Variants in ERLEC1 observed in about 807,000 individuals in gnomAD.
ERLEC1 encodes endoplasmic reticulum lectin 1, also known as ER lectin.
In ERLEC1, 47 loss-of-function variants were observed where a neutral mutation model predicts 68.0. That is an observed-to-expected ratio of 0.69 (90% CI 0.55 to 0.88). ERLEC1 has a LOEUF of 0.88. ERLEC1 is among the 40% of genes least tolerant of loss of function. The pLI is 0.00. For synonymous variants in ERLEC1, 225 were observed against 203.2 expected, an observed-to-expected ratio of 1.11 and a Z score of -0.91; for missense variants, 567 against 583.8, an observed-to-expected ratio of 0.97 and a Z score of 0.30.
intron 1 of ERLEC1, 25 bp downstream of exon 1, chr2:53,787,397 G>C (rs1442014030): frequency 1.9e-6 from 3 of 1,592,470 alleles, no homozygotes; most frequent in Non-Finnish European, 1.7e-6. Flanking sequence ...TAACCCCGCA[G>C]CCACCCCTCC....
Position 53,818,086 on chromosome 2 carries a change from T to C in ERLEC1, c.*117T>C. 1.5e-6 allele frequency: 1 copy of C among 679,812 alleles called. No individual in the cohort carries two copies. Among genetic ancestry groups the C allele is most frequent in the Middle Eastern group, 3.1e-4 (1 of 3,252 alleles). The allele number at this position is 679,812 out of a possible 1,614,324, so 42.1% of individuals were successfully genotyped here. A position where few individuals can be genotyped will look rare whatever the true frequency, so the allele number is the denominator to read the frequency against. ...ACCTCTTCTAAAGGATGGTATAAAA[T>C]GACTCTCAACCACTTTGTGAATACA... On this transcript the variant is annotated 3_prime_UTR_variant, in exon 14 of 14. Transcript: ENST00000185150.
intron 10 of ERLEC1, among the ~76,000 whole-genome samples, chr2:53,811,491 A>G (rs1345649278): frequency 1.3e-5 from 2 of 152,108 alleles, no homozygotes; most frequent in Admixed American, 1.3e-4. Flanking sequence ...CCAAGGTTGC[A>G]TAACCTGGAA....
intron 2 of ERLEC1, among the ~76,000 whole-genome samples, chr2:53,795,213 C>T (rs1279545370): frequency 2.6e-5 from 4 of 152,096 alleles, no homozygotes; most frequent in Non-Finnish European, 4.4e-5. Flanking sequence ...ACAGGAGAGG[C>T]AGCATGGTAA....
At chr2:53,791,090 C>G (rs1174200145) in intron 1 of ERLEC1, among the ~76,000 whole-genome samples, 1 of 152,218 alleles carries the variant, frequency 6.6e-6, no homozygotes, top group Non-Finnish European at 1.5e-5. Flanking sequence ...GTTCTACCAA[C>G]AAGTGTATTT....
intron 8 of ERLEC1, among the ~76,000 whole-genome samples, chr2:53,804,833 A>AT (rs1676196306): frequency 6.6e-6 from 1 of 151,520 alleles, no homozygotes; most frequent in Admixed American, 6.6e-5. Flanking sequence ...TATAGTAACC[A>AT]TCCTTCTACT....
intron 1 of ERLEC1, among the ~76,000 whole-genome samples, chr2:53,793,486 C>T (rs903990081): frequency 1.3e-5 from 2 of 152,176 alleles, no homozygotes; most frequent in Non-Finnish European, 2.9e-5. Flanking sequence ...GTGGCAGAGG[C>T]GCAACAGAGA....
chr2:53,802,480 T>G (rs1676059222), intron 8 of ERLEC1, among the ~76,000 whole-genome samples: 1 of 152,194 alleles, frequency 6.6e-6, no homozygotes, highest in South Asian at 2.1e-4. Context: ...ATCCTGTCAT[T>G]AGTTCAGGAC....
At chr2:53,801,895 G>A in intron 8 of ERLEC1, 53 bp downstream of exon 8, 1 of 1,444,650 alleles carries the variant, frequency 6.9e-7, no homozygotes, top group Non-Finnish European at 9.6e-7. Flanking sequence ...TAAAATTTCA[G>A]AGCATATGTC....
chr2:53,799,220 A>G lies in ERLEC1; in HGVS notation c.525+139A>G, dbSNP rs1025805307. Reference sequence around the variant, plus strand: ...ATACCTTGAAGGACTGGGTCAAAGAATCTTTGCAGTATATTCCTTTTTTCC... The same window carrying G: ...ATACCTTGAAGGACTGGGTCAAAGAGTCTTTGCAGTATATTCCTTTTTTCC... On this transcript the variant is annotated intron_variant, in intron 6 of 13. Coordinates refer to ENST00000185150, the MANE Select transcript of ERLEC1 (RefSeq NM_015701.5). The G allele has an allele frequency of 5.9e-6, 4 of 683,160 alleles. No individual in the cohort carries two copies. The South Asian group carries it at 9.5e-5, about 16-fold the overall frequency. 42.3% of individuals were successfully genotyped at this position (683,160 alleles called of 1,614,324 possible). A position where few individuals can be genotyped will look rare whatever the true frequency, so the allele number is the denominator to read the frequency against.
chr2:53,790,822 T>C (rs1339686292), intron 1 of ERLEC1, among the ~76,000 whole-genome samples: 1 of 152,260 alleles, frequency 6.6e-6, no homozygotes, highest in African/African-American at 2.4e-5. Context: ...TTAATAATTA[T>C]GATATTCTTT....
intron 10 of ERLEC1, among the ~76,000 whole-genome samples, chr2:53,812,715 C>T (rs1425786529): frequency 6.6e-6 from 1 of 152,058 alleles, no homozygotes; most frequent in South Asian, 2.1e-4. Flanking sequence ...CCGAAAATAA[C>T]TACATTTAGA....
intron 5 of ERLEC1, among the ~76,000 whole-genome samples, chr2:53,798,837 T>C (rs1453338221): frequency 1.3e-5 from 2 of 152,010 alleles, no homozygotes; most frequent in East Asian, 1.9e-4. Context: ...CTACCTGAAA[T>C]AGAGTATTTC....
chr2:53,795,908 G>C, intron 2 of ERLEC1, 25 bp from the exon 3 acceptor site: 3 of 1,485,562 alleles, frequency 2.0e-6, no homozygotes, highest in Non-Finnish European at 2.8e-6. Flanking sequence ...AAAACTGTAA[G>C]TATTAAACTC....
intron 6 of ERLEC1, among the ~76,000 whole-genome samples, chr2:53,799,647 C>A (rs1290657734): frequency 6.6e-6 from 1 of 151,856 alleles, no homozygotes; most frequent in African/African-American, 2.4e-5. Context: ...TTTTAAATCC[C>A]AAAAATTTTT....
intron 9 of ERLEC1, 81 bp downstream of exon 9, chr2:53,808,541 A>G: frequency 5.0e-6 from 7 of 1,405,530 alleles, no homozygotes; most frequent in Non-Finnish European, 5.8e-6. Context: ...AGCAGCACTG[A>G]AAAGAATTTT....
At chr2:53,803,349 G>A (rs544202033) in intron 8 of ERLEC1, among the ~76,000 whole-genome samples, 15 of 152,196 alleles carry the variant, frequency 9.9e-5, no homozygotes, top group African/African-American at 3.1e-4. Context: ...TTCTCTTCTG[G>A]TCTTCGTTTT....
chr2:53,795,940 A>G lies in ERLEC1; in HGVS notation c.275A>G (p.Glu92Gly), dbSNP rs768111753. ...ACTCCAATTCTTTCTTAGGAAGAAG[A>G]AAAGGATTATAAAGGCCCTAATCCA... is the stretch of plus-strand genomic sequence containing the variant. ...PLVTSGDEEE[E>G]KDYKGPNPRE... Residue 92 changes from glutamate to glycine, a missense_variant, in exon 3 of 14, where the codon GAA becomes GGA. Glu to Gly is a moderately conservative substitution (Grantham distance 98). Transcript: ENST00000185150. The G allele has an allele frequency of 2.5e-6, 4 of 1,592,108 alleles. No individual in the cohort carries two copies. Among genetic ancestry groups the G allele is most frequent in the Non-Finnish European group, 3.4e-6 (4 of 1,171,764 alleles).
Position 53,813,217 on chromosome 2 carries a change from T to C in ERLEC1, c.1226+144T>C, listed in dbSNP as rs565230553. 94 of 990,950 alleles carry C rather than the reference T, an allele frequency of 9.5e-5. 1 individual carries two copies. The South Asian group carries it at 1.5e-3, about 15-fold the overall frequency. The allele number at this position is 990,950 out of a possible 1,614,324, so 61.4% of individuals were successfully genotyped here. On this transcript the variant is annotated intron_variant, in intron 11 of 13. Transcript: ENST00000185150. The stretch of plus-strand genomic sequence containing the variant: ...GATATCTTTTAGGTTAGTTTTCTTT[T>C]CTTAGGGAAGCAACACAGTGTAATA...
chr2:53,817,423 G>A (rs3861570), intron 13 of ERLEC1, among the ~76,000 whole-genome samples: 28,791 of 151,948 alleles, frequency 0.19, 3,250 homozygotes, highest in African/African-American at 0.32. Context: ...ATGAGCCATC[G>A]TGCCCAGCCT....
Sources: allele counts gnomAD v4.1 joint callset (sites outside exome capture counted in the v4.1 genomes callset), GRCh38; gene constraint gnomAD v4.1.1; transcripts MANE v1.5; gene names NCBI Gene and HGNC (gene_info 2026-07-23, HGNC 2026-07-21).